RFX4: variants seen among roughly 807,000 people sequenced by gnomAD.
The protein encoded by RFX4 is transcription factor RFX4.
In RFX4, 10 loss-of-function variants were observed where a neutral mutation model predicts 95.0. The ratio of observed to expected loss-of-function variants is 0.11; its 90% confidence interval spans 0.06 to 0.18. RFX4 has a LOEUF of 0.18. Among genes scored for constraint, RFX4 ranks in the 10% least tolerant of loss-of-function variants. The pLI is 1.00. For missense variants in RFX4, 640 were observed against 922.0 expected (o/e 0.69, Z 3.96); for synonymous variants, 321 against 340.7 (o/e 0.94, Z 0.64).
intron 13 of RFX4, among the ~76,000 whole-genome samples, chr12:106,729,722 T>A (rs1337661223): frequency 1.3e-5 from 2 of 152,184 alleles, no homozygotes. Flanking sequence ...GGTCAATAAA[T>A]GTCAGATTTT....
At chr12:106,637,878 G>A (rs1565959407) in intron 2 of RFX4, among the ~76,000 whole-genome samples, 1 of 151,986 alleles carries the variant, frequency 6.6e-6, no homozygotes, top group East Asian at 1.9e-4. Flanking sequence ...ATCAACTTTT[G>A]CAATCTATTT....
At position 106,586,880 on chromosome 12, in the gene RFX4, G is replaced by A. The variant is rs1039134331; in HGVS notation, c.43+3517G>A. 6.6e-6 allele frequency among the ~76,000 whole-genome samples: 1 copy of A among 152,218 alleles called. No homozygotes were observed. The highest frequency in any genetic ancestry group is 1.5e-5 in the Non-Finnish European group (1 of 68,032). ...TTGCCCAGGCACAGCCCTGGGGAAG[G>A]AGCCACTGTCTGCGGGCTTGGGAGA... On this transcript the variant is annotated intron_variant, in intron 1 of 17. Coordinates refer to ENST00000392842, the MANE Select transcript of RFX4 (RefSeq NM_213594.3). The surrounding 1 kb of genome is among the most constrained non-coding windows in gnomAD (Gnocchi z 5.6).
chr12:106,748,267 G>C (rs2042932155), intron 16 of RFX4, among the ~76,000 whole-genome samples: 1 of 152,148 alleles, frequency 6.6e-6, no homozygotes, highest in Non-Finnish European at 1.5e-5. Flanking sequence ...ACCCCTTTCA[G>C]CAGTTCCCCT....
chr12:106,587,517 C>G (rs2039477098), intron 1 of RFX4, among the ~76,000 whole-genome samples: 1 of 152,188 alleles, frequency 6.6e-6, no homozygotes, highest in African/African-American at 2.4e-5. Flanking sequence ...AGTGCTGGAC[C>G]ATCCTGCTTC....
intron 8 of RFX4, among the ~76,000 whole-genome samples, chr12:106,703,392 T>A (rs547069890): frequency 1.3e-5 from 2 of 152,360 alleles, no homozygotes; most frequent in East Asian, 3.9e-4. Context: ...TCTCATCCTT[T>A]TCTGCATTAT....
chr12:106,691,347 A>G (rs2041777685), intron 7 of RFX4, among the ~76,000 whole-genome samples: 1 of 152,238 alleles, frequency 6.6e-6, no homozygotes, highest in Admixed American at 6.5e-5. Flanking sequence ...GGCCAAGGTC[A>G]CACAGTTGGT....
In RFX4 at chr12:106,761,609, A is replaced by C; in HGVS notation, c.*140A>C. The C allele has an allele frequency of 2.0e-6, 1 of 500,504 alleles. No homozygotes were observed. The highest frequency in any genetic ancestry group is 2.9e-6 in the Non-Finnish European group (1 of 347,644). 31.0% of individuals were successfully genotyped at this position (500,504 alleles called of 1,614,324 possible). A position where few individuals can be genotyped will look rare whatever the true frequency, so the allele number is the denominator to read the frequency against. On this transcript the variant is annotated 3_prime_UTR_variant, in exon 18 of 18. Transcript: ENST00000392842. ...TCCTAAGTGCCCATTTTCCTAATGA[A>C]CATGAGGATGGGATCAATGTGGGAT...
intron 2 of RFX4, among the ~76,000 whole-genome samples, chr12:106,619,970 T>G (rs1206715859): frequency 6.6e-6 from 1 of 152,198 alleles, no homozygotes. Context: ...ATTCTCCATT[T>G]TTTCTTCTGT....
At chr12:106,613,855 A>G (rs1406030503) in intron 2 of RFX4, among the ~76,000 whole-genome samples, 2 of 152,176 alleles carry the variant, frequency 1.3e-5, no homozygotes, top group African/African-American at 2.4e-5. Flanking sequence ...GAACATGAGC[A>G]CTTATTTTGT....
intron 2 of RFX4, among the ~76,000 whole-genome samples, chr12:106,632,154 G>C (rs949021321): frequency 1.3e-4 from 20 of 152,354 alleles, no homozygotes; most frequent in African/African-American, 4.6e-4. Context: ...TAGATGCAGA[G>C]AGGAGAGCAG....
chr12:106,682,387 T>C (rs1565977161), intron 5 of RFX4: 11 of 356,882 alleles, frequency 3.1e-5, no homozygotes, highest in Non-Finnish European at 4.7e-5. Flanking sequence ...TTATCTGGAC[T>C]GTTTTGCTGA....
intron 4 of RFX4, among the ~76,000 whole-genome samples, chr12:106,658,942 A>G (rs529391773): frequency 6.6e-6 from 1 of 152,290 alleles, no homozygotes; most frequent in East Asian, 1.9e-4. Flanking sequence ...AGAGATGCCC[A>G]GAGGAGCCCC....
chr12:106,645,686 C>T (rs141517593), intron 3 of RFX4, among the ~76,000 whole-genome samples: 622 of 152,272 alleles, frequency 4.1e-3, no homozygotes, highest in Non-Finnish European at 6.6e-3. Flanking sequence ...AATACATTGA[C>T]ATTTTAGACC....
intron 1 of RFX4, among the ~76,000 whole-genome samples, chr12:106,594,616 G>A (rs924125498): frequency 1.3e-5 from 2 of 152,122 alleles, no homozygotes; most frequent in African/African-American, 4.8e-5. Flanking sequence ...TGGGAGCGCC[G>A]TCAGTCCAGA....
chr12:106,719,818 T>C, intron 11 of RFX4, 142 bp from the exon 12 acceptor site: 3 of 646,734 alleles, frequency 4.6e-6, no homozygotes, highest in East Asian at 2.8e-5. Context: ...TTATAAAGTC[T>C]TGAATGCTCT....
chr12:106,678,420 C>T (rs2041439639), intron 4 of RFX4, among the ~76,000 whole-genome samples: 1 of 152,098 alleles, frequency 6.6e-6, no homozygotes, highest in Admixed American at 6.6e-5. Context: ...AACAATGCTG[C>T]TTTCTTCAAT....
At chr12:106,709,700 C>G (rs1458189232) in intron 9 of RFX4, among the ~76,000 whole-genome samples, 3 of 152,130 alleles carry the variant, frequency 2.0e-5, no homozygotes, top group Non-Finnish European at 2.9e-5. Flanking sequence ...CTGTCTGACA[C>G]CAAAGTTTCT....
intron 13 of RFX4, among the ~76,000 whole-genome samples, chr12:106,731,160 G>C (rs2042605622): frequency 6.6e-6 from 1 of 152,190 alleles, no homozygotes; most frequent in Non-Finnish European, 1.5e-5. Context: ...CATGGGATGG[G>C]AGATAAAGGC....
At chr12:106,710,578 C>T (rs2042174174) in intron 9 of RFX4, among the ~76,000 whole-genome samples, 1 of 152,250 alleles carries the variant, frequency 6.6e-6, no homozygotes, top group East Asian at 1.9e-4. Context: ...TTGACCAGTT[C>T]AGAAATTACC....
Sources: gnomAD v4.1 joint callset for allele counts (sites outside exome capture counted in the v4.1 genomes callset) on GRCh38, gnomAD v4.1.1 for gene constraint, Gnocchi (gnomAD v3.1) non-coding constraint, MANE v1.5 for transcripts, NCBI Gene and HGNC (gene_info 2026-07-23, HGNC 2026-07-21) for gene names.